UNC80: variants seen among roughly 807,000 people sequenced by gnomAD.
The protein encoded by UNC80 is protein unc-80 homolog.
A neutral mutation model predicts 384.6 loss-of-function variants in UNC80; 164 were observed. The ratio of observed to expected loss-of-function variants is 0.43; its 90% confidence interval spans 0.38 to 0.49. The LOEUF (loss-of-function observed/expected upper bound fraction) is 0.49, where lower values mean the gene tolerates loss of function less well. Among genes scored for constraint, UNC80 ranks in the 20% least tolerant of loss-of-function variants. The pLI is 0.00. For synonymous variants in UNC80, 1,486 were observed against 1,527.8 expected, an observed-to-expected ratio of 0.97 and a Z score of 0.64; for missense variants, 3,330 against 4,143.0, an observed-to-expected ratio of 0.80 and a Z score of 5.39.
In UNC80 at chr2:209,995,326, C is replaced by G; in HGVS notation, c.9709-3C>G. Reference sequence around the variant, plus strand: ...CATAATGTTATGATCCTTTTGATCACAGAGTGAGAACTTCCCCACTGAAGA... The same window carrying G: ...CATAATGTTATGATCCTTTTGATCAGAGAGTGAGAACTTCCCCACTGAAGA... On this transcript the variant is annotated splice_region_variant and splice_polypyrimidine_tract_variant and intron_variant, in intron 64 of 64. Coordinates refer to ENST00000673920, the MANE Select transcript of UNC80 (RefSeq NM_001371986.1). The G allele has an allele frequency of 6.4e-7, 1 of 1,552,074 alleles. No homozygotes were observed. Among genetic ancestry groups the G allele is most frequent in the Non-Finnish European group, 8.7e-7 (1 of 1,147,066 alleles).
At chr2:209,855,185 T>G (rs903825585) in intron 22 of UNC80, among the ~76,000 whole-genome samples, 1 of 152,256 alleles carries the variant, frequency 6.6e-6, no homozygotes, top group South Asian at 2.1e-4. Flanking sequence ...CTCAGCAAAC[T>G]AATGCAGGAA....
rs370706788 is a variant in UNC80 at position 209,913,686 on chromosome 2, C to T, written c.4891-116C>T. 8.1e-5 allele frequency: 85 copies of T among 1,049,786 alleles called. No homozygotes were observed. The African/African-American group carries it at 1.2e-3, about 15-fold the overall frequency. 65.0% of individuals were successfully genotyped at this position (1,049,786 alleles called of 1,614,324 possible). On this transcript the variant is annotated intron_variant, in intron 30 of 64. Transcript: ENST00000673920. The stretch of plus-strand genomic sequence containing the variant: ...CTAAATATGCTCCCATTTTAGAAAG[C>T]ATTTTAAGGTCACTTAAGGCAAGCA...
chr2:209,812,672 A>G lies in UNC80; in HGVS notation c.939-908A>G, dbSNP rs552376626. Reference sequence around the variant, plus strand: ...ACCATCTTGGATCCCGGAAGTTCTAAGTTTATATTTTGTCACTTATTGTCT... The same window carrying G: ...ACCATCTTGGATCCCGGAAGTTCTAGGTTTATATTTTGTCACTTATTGTCT... On this transcript the variant is annotated intron_variant, in intron 7 of 64. Transcript: ENST00000673920. Among the ~76,000 whole-genome samples, 3 of 152,146 alleles carry G rather than the reference A, an allele frequency of 2.0e-5. No individual in the cohort carries two copies. The Admixed American group carries it at 2.0e-4, about 10-fold the overall frequency.
At chr2:209,969,620 A>G (rs1263058639) in intron 52 of UNC80, 148 bp from the exon 53 acceptor site, 18 of 1,083,920 alleles carry the variant, frequency 1.7e-5, no homozygotes, top group Non-Finnish European at 2.3e-5. Context: ...CCCTCCCAGT[A>G]TGCTCTGTGC....
chr2:209,967,409 AAT>A (rs967931786), intron 51 of UNC80, 26 bp from the exon 52 acceptor site: 92 of 1,393,982 alleles, frequency 6.6e-5, no homozygotes, highest in Non-Finnish European at 6.3e-5. Flanking sequence ...TATACTTTAA[AAT>A]ATATATACAT....
In UNC80 at chr2:209,775,951, C is replaced by T. The variant is rs547150096; in HGVS notation, c.204C>T (p.Ala68=). Reference sequence around the variant, plus strand: ...GCCTCTCTCCAGCTCTCTCTGAAGCCATCCAGAGCATTTCCAGATGGGAAC... The same window carrying T: ...GCCTCTCTCCAGCTCTCTCTGAAGCTATCCAGAGCATTTCCAGATGGGAAC... ...LHGLSPALSE[A]IQSISRWELV... is the part of the protein sequence containing the mutation. Residue 68 remains alanine, a synonymous_variant, in exon 3 of 65, where the codon GCC becomes GCT. Coordinates refer to ENST00000673920, the MANE Select transcript of UNC80 (RefSeq NM_001371986.1). 8.7e-6 allele frequency: 14 copies of T among 1,614,114 alleles called. No individual in the cohort carries two copies. The highest frequency in any genetic ancestry group is 3.3e-5 in the Admixed American group (2 of 60,014).
chr2:209,949,862 C>G (rs1390132658), intron 47 of UNC80, among the ~76,000 whole-genome samples: 2 of 143,876 alleles, frequency 1.4e-5, no homozygotes, highest in Admixed American at 1.5e-4. Context: ...GGGTCTTGTT[C>G]TGTTGCCAAG....
intron 7 of UNC80, chr2:209,809,036 AGGC>A: frequency 2.6e-6 from 1 of 388,550 alleles, no homozygotes; most frequent in Non-Finnish European, 4.8e-6. Context: ...GAGAGTTTCA[AGGC>A]GGCAGAACTG....
chr2:209,833,936 C>A (rs1452457188), intron 16 of UNC80, 66 bp from the exon 17 acceptor site: 4 of 1,493,768 alleles, frequency 2.7e-6, no homozygotes, highest in Non-Finnish European at 3.6e-6. Context: ...TTCCTCTCTA[C>A]CTGGAAAAAC....
chr2:209,831,063 G>C (rs1024276788), intron 15 of UNC80, among the ~76,000 whole-genome samples: 1 of 151,348 alleles, frequency 6.6e-6, no homozygotes, highest in African/African-American at 2.4e-5. Context: ...GCTTGAAAAT[G>C]AATTCTCCAT....
intron 22 of UNC80, among the ~76,000 whole-genome samples, chr2:209,856,800 G>A (rs754914191): frequency 2.1e-5 from 3 of 145,218 alleles, no homozygotes; most frequent in Admixed American, 6.8e-5. Flanking sequence ...TTATTTTTTC[G>A]TTTTTGAGAT....
intron 7 of UNC80, among the ~76,000 whole-genome samples, chr2:209,807,698 A>G (rs1006823809): frequency 2.0e-5 from 3 of 151,700 alleles, no homozygotes; most frequent in Admixed American, 1.3e-4. Flanking sequence ...GTGAAAATTT[A>G]TTTCTCACAT....
At chr2:209,966,308 C>CT (rs962743880) in intron 51 of UNC80, among the ~76,000 whole-genome samples, 5 of 151,912 alleles carry the variant, frequency 3.3e-5, no homozygotes, top group African/African-American at 4.8e-5. Flanking sequence ...AGAATATAAG[C>CT]TTTTTTTTGA....
chr2:209,887,992 T>G, intron 25 of UNC80, 103 bp from the exon 26 acceptor site: 2 of 1,087,486 alleles, frequency 1.8e-6, no homozygotes, highest in Non-Finnish European at 1.3e-6. Context: ...TCTGGCTGTT[T>G]AAACGCAGTT....
chr2:209,834,030 T>C lies in UNC80; in HGVS notation c.2804T>C (p.Val935Ala). Residue 935 changes from valine to alanine, a missense_variant, in exon 17 of 65, where the codon GTC becomes GCC. This residue lies in a region of UNC80 where 937 missense variants were observed against 1,026.8 expected (regional missense o/e 0.91). Coordinates refer to ENST00000673920, the MANE Select transcript of UNC80 (RefSeq NM_001371986.1). Reference protein sequence around the residue: ...LGLYCDIRQLVQFIKEAHGNV... With the variant: ...LGLYCDIRQLAQFIKEAHGNV... ...CTGTATTGTGACATTCGTCAGCTGGTCCAGTTTATCAAAGAGGCTCATGGG... is the reference window on the plus strand; with the variant it reads ...CTGTATTGTGACATTCGTCAGCTGGCCCAGTTTATCAAAGAGGCTCATGGG... 6.4e-7 allele frequency: 1 copy of C among 1,551,708 alleles called. No homozygotes were observed. The highest frequency in any genetic ancestry group is 1.2e-5 in the South Asian group (1 of 84,046).
chr2:209,945,147 A>T lies in UNC80; in HGVS notation c.7147A>T (p.Ile2383Phe). 1 of 1,551,552 alleles carries T rather than the reference A, an allele frequency of 6.4e-7. No individual in the cohort carries two copies. Among genetic ancestry groups the T allele is most frequent in the Non-Finnish European group, 8.7e-7 (1 of 1,146,886 alleles). ...GGGAGAGACCACCGACATATTAGAC[A>T]TCTTAGAGCTGGTCAAAGCTGAGAA... ...LEGETTDILD[I>F]LELVKAEKPL... Residue 2383 changes from isoleucine to phenylalanine, a missense_variant, in exon 46 of 65, where the codon ATC becomes TTC. Coordinates refer to ENST00000673920, the MANE Select transcript of UNC80 (RefSeq NM_001371986.1).
chr2:209,945,764 T>G, intron 46 of UNC80, 83 bp from the exon 47 acceptor site: 1 of 852,496 alleles, frequency 1.2e-6, no homozygotes, highest in South Asian at 1.5e-5. Context: ...TATACTGGAA[T>G]GATAACATTA....
At chr2:209,928,828 C>T (rs2090630482) in intron 36 of UNC80, among the ~76,000 whole-genome samples, 1 of 152,140 alleles carries the variant, frequency 6.6e-6, no homozygotes, top group Non-Finnish European at 1.5e-5. Context: ...CCATGCCTCC[C>T]TCCCGCCTCC....
chr2:209,863,238 T>C (rs1015706473), intron 22 of UNC80, among the ~76,000 whole-genome samples: 1 of 152,156 alleles, frequency 6.6e-6, no homozygotes, highest in Non-Finnish European at 1.5e-5. Context: ...GTAGGTGACC[T>C]GGCCTTTCAC....
Sources: gnomAD v4.1 joint callset for allele counts (sites outside exome capture counted in the v4.1 genomes callset) on GRCh38, gnomAD v4.1.1 for gene constraint, gnomAD v4.1.1 regional missense constraint, MANE v1.5 for transcripts, NCBI Gene and HGNC (gene_info 2026-07-23, HGNC 2026-07-21) for gene names.